TOP6BL: variants seen among roughly 807,000 people sequenced by gnomAD.
The protein encoded by TOP6BL is TOP6B like initiator of meiotic double strand breaks.
At chr11:66,774,693 G>A in the TOP6BL span, among the ~76,000 whole-genome samples, 5 of 151,784 alleles carry the variant, frequency 3.3e-5, no homozygotes, top group Non-Finnish European at 5.9e-5. Flanking sequence ...GGATGGTCTC[G>A]ATCTCCTGAC....
At chr11:66,767,608 G>A in the TOP6BL span, among the ~76,000 whole-genome samples, 1 of 152,116 alleles carries the variant, frequency 6.6e-6, no homozygotes, top group Non-Finnish European at 1.5e-5. Flanking sequence ...AGATGTGCAA[G>A]TGTTTTTCCC....
the TOP6BL span, among the ~76,000 whole-genome samples, chr11:66,798,979 G>A: frequency 6.6e-6 from 1 of 151,998 alleles, no homozygotes; most frequent in Non-Finnish European, 1.5e-5. Context: ...GGCCGAGGTG[G>A]GCAGATCACC....
the TOP6BL span, among the ~76,000 whole-genome samples, chr11:66,815,362 T>C: frequency 3.3e-5 from 5 of 152,190 alleles, no homozygotes; most frequent in African/African-American, 4.8e-5. Flanking sequence ...CACATGGAGG[T>C]ACTTCTCTAC....
the TOP6BL span, chr11:66,788,367 C>A: frequency 1.1e-6 from 1 of 930,680 alleles, no homozygotes; most frequent in Non-Finnish European, 1.6e-6. Flanking sequence ...ATCAAAGTTC[C>A]AAGCTGGAAT....
At chr11:66,798,778 A>C in the TOP6BL span, among the ~76,000 whole-genome samples, 1 of 152,118 alleles carries the variant, frequency 6.6e-6, no homozygotes, top group Non-Finnish European at 1.5e-5. Context: ...ACAAGTGATA[A>C]AGAATGTATT....
At chr11:66,809,004 G>A in the TOP6BL span, among the ~76,000 whole-genome samples, 1 of 152,320 alleles carries the variant, frequency 6.6e-6, no homozygotes, top group South Asian at 2.1e-4. Flanking sequence ...GGAGTGCAGT[G>A]GCTCGATCTG....
the TOP6BL span, among the ~76,000 whole-genome samples, chr11:66,839,554 A>G: frequency 6.6e-6 from 1 of 152,228 alleles, no homozygotes; most frequent in African/African-American, 2.4e-5. Context: ...CAACCACAAC[A>G]CATACGCGTT....
the TOP6BL span, among the ~76,000 whole-genome samples, chr11:66,790,962 G>A: frequency 0.012 from 1,883 of 152,296 alleles, 36 homozygotes; most frequent in African/African-American, 0.043. Flanking sequence ...AACGGCATTA[G>A]CCTCAAGGGA....
the TOP6BL span, chr11:66,800,689 A>C: frequency 8.7e-6 from 14 of 1,604,188 alleles, no homozygotes; most frequent in South Asian, 1.6e-4. Context: ...CTCCACAGAG[A>C]TCTTTGGGTA....
the TOP6BL span, chr11:66,756,327 C>T: frequency 1.7e-6 from 2 of 1,196,592 alleles, no homozygotes; most frequent in Admixed American, 3.1e-5. Flanking sequence ...AGTTAACCCC[C>T]TTTTCCCCCC....
the TOP6BL span, among the ~76,000 whole-genome samples, chr11:66,785,532 C>T: frequency 6.6e-6 from 1 of 152,138 alleles, no homozygotes. Flanking sequence ...TTTGTGTTGA[C>T]AACTGTCCCG....
chr11:66,762,425 G>T, the TOP6BL span: 1 of 318,456 alleles, frequency 3.1e-6, no homozygotes, highest in South Asian at 2.8e-5. Flanking sequence ...GAACATGTGC[G>T]GATGCAAAGG....
the TOP6BL span, among the ~76,000 whole-genome samples, chr11:66,751,266 C>T: frequency 1.3e-5 from 2 of 152,156 alleles, no homozygotes; most frequent in African/African-American, 4.8e-5. Flanking sequence ...AGGATCTCGG[C>T]TGGCTGCAAC....
chr11:66,800,255 TGTTA>T, the TOP6BL span, among the ~76,000 whole-genome samples: 2 of 152,060 alleles, frequency 1.3e-5, no homozygotes, highest in African/African-American at 4.8e-5. Context: ...AATAGGGAGT[TGTTA>T]GTTAAAGTGT....
At chr11:66,842,837 T>A in the TOP6BL span, 1 of 1,550,404 alleles carries the variant, frequency 6.4e-7, no homozygotes. Context: ...AAGAGGCTTG[T>A]TTTTCTCCTA....
At chr11:66,772,168 C>T in the TOP6BL span, among the ~76,000 whole-genome samples, 1 of 152,162 alleles carries the variant, frequency 6.6e-6, no homozygotes, top group Non-Finnish European at 1.5e-5. Context: ...GTAAATGTGG[C>T]CCGGCCAGTA....
the TOP6BL span, among the ~76,000 whole-genome samples, chr11:66,787,728 A>G: frequency 6.6e-6 from 1 of 151,820 alleles, no homozygotes; most frequent in Admixed American, 6.6e-5. Context: ...TCAAAAAAAA[A>G]AAAAAAGGTA....
At chr11:66,774,077 T>G in the TOP6BL span, among the ~76,000 whole-genome samples, 1 of 152,200 alleles carries the variant, frequency 6.6e-6, no homozygotes, top group African/African-American at 2.4e-5. Flanking sequence ...TATTTATTAT[T>G]ACATCTAGTG....
At chr11:66,835,656 G>A in the TOP6BL span, among the ~76,000 whole-genome samples, 1 of 152,148 alleles carries the variant, frequency 6.6e-6, no homozygotes, top group Non-Finnish European at 1.5e-5. Flanking sequence ...TCATATAGAT[G>A]GGACCATACA....
Sources: allele counts gnomAD v4.1 joint callset (sites outside exome capture counted in the v4.1 genomes callset), GRCh38; gene constraint gnomAD v4.1.1; transcripts MANE v1.5; gene names NCBI Gene and HGNC (gene_info 2026-07-23, HGNC 2026-07-21).